HRH1: variants seen among roughly 807,000 people sequenced by gnomAD.
The protein encoded by HRH1 is histamine receptor H1.
Under a neutral mutation model 10.3 loss-of-function variants are expected in HRH1, and 6 were observed. The ratio of observed to expected loss-of-function variants is 0.58; its 90% CI spans 0.32 to 1.15. The LOEUF (loss-of-function observed/expected upper bound fraction) is 1.15. HRH1 is among the 50% of genes most tolerant of loss of function. HRH1 has a pLI of 0.05. For synonymous variants in HRH1, 242 were observed against 236.7 expected, an observed-to-expected ratio of 1.02 and a Z score of -0.21; for missense variants, 514 against 615.3, an observed-to-expected ratio of 0.84 and a Z score of 1.74.
At chr3:11,198,946 C>G (rs1482535077) in intron 1 of HRH1, among the ~76,000 whole-genome samples, 6 of 149,606 alleles carry the variant, frequency 4.0e-5, no homozygotes, top group Non-Finnish European at 7.4e-5. Flanking sequence ...TTTTTTGAGA[C>G]AGAGTCTCAC....
At chr3:11,250,665 G>T (rs963734187) in intron 1 of HRH1, among the ~76,000 whole-genome samples, 4 of 152,174 alleles carry the variant, frequency 2.6e-5, no homozygotes, top group African/African-American at 9.7e-5. Context: ...CTGATCTTTT[G>T]TTTCGAATGT....
chr3:11,166,880 T>C (rs1937047643), intron 1 of HRH1, among the ~76,000 whole-genome samples: 1 of 144,448 alleles, frequency 6.9e-6, no homozygotes, highest in Non-Finnish European at 1.5e-5. Context: ...CCCTGGATTC[T>C]CCAGGCTGTG....
At chr3:11,161,781 C>T (rs1936928277) in intron 1 of HRH1, among the ~76,000 whole-genome samples, 1 of 152,170 alleles carries the variant, frequency 6.6e-6, no homozygotes, top group Non-Finnish European at 1.5e-5. Flanking sequence ...GATTGATTCT[C>T]ACAGCAGCGG....
At chr3:11,234,611 T>G in intron 1 of HRH1, 1 of 1,440,904 alleles carries the variant, frequency 6.9e-7, no homozygotes, top group East Asian at 2.3e-5. Flanking sequence ...TCTGCATTGC[T>G]TGGAGTTTCA....
At chr3:11,202,294 A>T (rs1050808935) in intron 1 of HRH1, among the ~76,000 whole-genome samples, 1 of 151,618 alleles carries the variant, frequency 6.6e-6, no homozygotes, top group African/African-American at 2.4e-5. Context: ...AATCCCAGCT[A>T]CTCGGGAGGC....
chr3:11,200,634 C>G (rs543843913), intron 1 of HRH1, among the ~76,000 whole-genome samples: 1 of 152,302 alleles, frequency 6.6e-6, no homozygotes, highest in South Asian at 2.1e-4. Flanking sequence ...TTTCTGCATC[C>G]CCACACTTAT....
chr3:11,221,035 C>A (rs140935257), intron 1 of HRH1, among the ~76,000 whole-genome samples: 1 of 152,178 alleles, frequency 6.6e-6, no homozygotes, highest in East Asian at 1.9e-4. Flanking sequence ...AGTATCTGGG[C>A]GTGGGAATAT....
intron 1 of HRH1, among the ~76,000 whole-genome samples, chr3:11,217,506 G>A (rs1575020344): frequency 1.3e-5 from 2 of 152,180 alleles, no homozygotes; most frequent in East Asian, 3.9e-4. Context: ...TCCAGCTTGG[G>A]TGACAGAGCG....
chr3:11,142,846 G>A (rs1392168387), intron 1 of HRH1, among the ~76,000 whole-genome samples: 1 of 152,094 alleles, frequency 6.6e-6, no homozygotes, highest in African/African-American at 2.4e-5. Context: ...CCAGGTAGGT[G>A]GAGGTTGCAG....
chr3:11,206,270 A>G (rs934333399), intron 1 of HRH1, among the ~76,000 whole-genome samples: 6 of 152,188 alleles, frequency 3.9e-5, no homozygotes, highest in African/African-American at 7.2e-5. Flanking sequence ...GGCACACGCC[A>G]ACACGCCTGG....
At chr3:11,222,010 G>C (rs1313663898) in intron 1 of HRH1, among the ~76,000 whole-genome samples, 3 of 152,204 alleles carry the variant, frequency 2.0e-5, no homozygotes, top group Non-Finnish European at 4.4e-5. Flanking sequence ...TGGACATGTG[G>C]GTTGCTTCCA....
intron 1 of HRH1, among the ~76,000 whole-genome samples, chr3:11,211,028 C>G (rs551392095): frequency 1.3e-5 from 2 of 152,276 alleles, no homozygotes; most frequent in African/African-American, 4.8e-5. Context: ...CGTCATAGCT[C>G]TTAAAGAACT....
chr3:11,155,162 C>CG (rs1399224127), intron 1 of HRH1, among the ~76,000 whole-genome samples: 12 of 152,046 alleles, frequency 7.9e-5, no homozygotes, highest in Admixed American at 7.2e-4. Context: ...CACCTGGAGT[C>CG]GGGGGTGGGA....
At chr3:11,237,913 T>G (rs1193524956) in intron 1 of HRH1, among the ~76,000 whole-genome samples, 1 of 152,072 alleles carries the variant, frequency 6.6e-6, no homozygotes, top group African/African-American at 2.4e-5. Flanking sequence ...CCTGACCTTG[T>G]GATCTGCCCA....
intron 1 of HRH1, among the ~76,000 whole-genome samples, chr3:11,193,987 G>A (rs918794399): frequency 2.0e-5 from 3 of 152,244 alleles, no homozygotes; most frequent in African/African-American, 4.8e-5. Context: ...TTGCAGAGGA[G>A]TGTTCTTTAT....
In HRH1 at chr3:11,260,441, C is replaced by T. The variant is rs1402268902; in HGVS notation, c.1404C>T (p.Tyr468=). 2 of 1,613,166 alleles carry T rather than the reference C, an allele frequency of 1.2e-6. No individual in the cohort carries two copies. Among genetic ancestry groups the T allele is most frequent in the East Asian group, 2.2e-5 (1 of 44,872 alleles). The change falls in exon 2 of 2, where the codon TAC becomes TAT. Residue 468 remains tyrosine (Y), a synonymous_variant. Transcript: ENST00000431010. ...ACTCCACACTGAACCCCCTCATCTA[C>T]CCCTTGTGCAATGAGAACTTCAAGA... is the stretch of plus-strand genomic sequence containing the variant. ...YINSTLNPLI[Y]PLCNENFKKT...
chr3:11,215,019 C>T (rs2125036556), intron 1 of HRH1, among the ~76,000 whole-genome samples: 2 of 152,318 alleles, frequency 1.3e-5, no homozygotes, highest in Non-Finnish European at 2.9e-5. Context: ...TCTCTTGACT[C>T]TACATAGTTG....
chr3:11,260,724 C>T lies in HRH1; in HGVS notation c.*223C>T. On this transcript the variant is annotated 3_prime_UTR_variant, in exon 2 of 2. Transcript: ENST00000431010. ...CTTTGAGGAGGAAGCAGAATCTTTG[C>T]AAGAAAGTCAGACCTGTTTCTTGTA... 2.0e-6 allele frequency: 1 copy of T among 494,988 alleles called. No homozygotes were observed. The highest frequency in any genetic ancestry group is 3.6e-6 in the Non-Finnish European group (1 of 274,870). 30.7% of individuals were successfully genotyped at this position (494,988 alleles called of 1,614,324 possible). A position where few individuals can be genotyped will look rare whatever the true frequency, so the allele number is the denominator to read the frequency against.
At chr3:11,142,323 C>G (rs1936307153) in intron 1 of HRH1, among the ~76,000 whole-genome samples, 1 of 152,188 alleles carries the variant, frequency 6.6e-6, no homozygotes, top group African/African-American at 2.4e-5. Flanking sequence ...GCCCAGCTGC[C>G]TTATTTGCAG....
Sources: gnomAD v4.1 joint callset for allele counts (sites outside exome capture counted in the v4.1 genomes callset) on GRCh38, gnomAD v4.1.1 for gene constraint, MANE v1.5 for transcripts, NCBI Gene and HGNC (gene_info 2026-07-23, HGNC 2026-07-21) for gene names.